CDC42: variants seen among roughly 807,000 people sequenced by gnomAD.
The protein encoded by CDC42 is cell division control protein 42 homolog.
Under a neutral mutation model 20.8 loss-of-function variants are expected in CDC42, and 1 was observed. That is an observed-to-expected ratio of 0.05 (90% CI 0.02 to 0.23). The LOEUF (loss-of-function observed/expected upper bound fraction) is 0.23, where lower values mean the gene tolerates loss of function less well. CDC42 is among the 10% of genes least tolerant of loss of function. CDC42 has a pLI of 1.00. For synonymous variants in CDC42, 72 were observed against 84.8 expected (o/e 0.85, Z 0.83); for missense variants, 49 against 227.9 (o/e 0.21, Z 5.05).
intron 1 of CDC42, among the ~76,000 whole-genome samples, chr1:22,069,476 G>A (rs1289483895): frequency 2.0e-5 from 3 of 149,546 alleles, no homozygotes; most frequent in African/African-American, 2.5e-5. Context: ...ACGCTTGGCC[G>A]AAACAGGGTC....
intron 3 of CDC42, among the ~76,000 whole-genome samples, chr1:22,082,350 TC>T (rs1451682229): frequency 2.0e-5 from 3 of 152,258 alleles, no homozygotes; most frequent in Non-Finnish European, 4.4e-5. Flanking sequence ...TTAAACTGTA[TC>T]TGAAAATATT....
At chr1:22,065,861 C>T (rs547057970) in intron 1 of CDC42, among the ~76,000 whole-genome samples, 103 of 152,148 alleles carry the variant, frequency 6.8e-4, no homozygotes, top group African/African-American at 2.4e-3. Flanking sequence ...CGGGTTCAAG[C>T]GATTCTCAAG....
rs1645736514 is a variant in CDC42 at position 22,093,637 on chromosome 1, A to G, written c.*2120A>G. 3.3e-5 allele frequency among the ~76,000 whole-genome samples: 5 copies of G among 152,220 alleles called. No homozygotes were observed. The highest frequency in any genetic ancestry group is 3.3e-4 in the Admixed American group (5 of 15,288). On this transcript the variant is annotated 3_prime_UTR_variant, in exon 6 of 6. Coordinates refer to ENST00000656825, the MANE Select transcript of CDC42 (RefSeq NM_001791.4). ...GGCATGATTTGCATACTGTGCTAGA[A>G]TTAAGCTGGGTTGGTTGAGAAGGGG...
chr1:22,090,101 A>C, intron 5 of CDC42: 1 of 1,568,108 alleles, frequency 6.4e-7, no homozygotes, highest in Non-Finnish European at 8.7e-7. Flanking sequence ...GTTTAAAAAC[A>C]AAGGAATAAA....
chr1:22,098,029 T>G lies in CDC42; in HGVS notation c.*6512T>G, dbSNP rs1482601864. Reference sequence around the variant, plus strand: ...AGCACAGGATCATAACTGTTCTGTTTGCTCTGATGCGTCCCGCAGAGCAGT... The same window carrying G: ...AGCACAGGATCATAACTGTTCTGTTGGCTCTGATGCGTCCCGCAGAGCAGT... On this transcript the variant is annotated 3_prime_UTR_variant, in exon 6 of 6. Coordinates refer to ENST00000656825, the MANE Select transcript of CDC42 (RefSeq NM_001791.4). Among the ~76,000 whole-genome samples the G allele has an allele frequency of 4.6e-5, 7 of 152,202 alleles. No homozygotes were observed. Among genetic ancestry groups the G allele is most frequent in the Non-Finnish European group, 1.0e-4 (7 of 68,032 alleles).
chr1:22,053,826 A>G (rs548331637), intron 1 of CDC42, among the ~76,000 whole-genome samples: 6 of 152,304 alleles, frequency 3.9e-5, no homozygotes, highest in South Asian at 2.1e-4. Context: ...CCTAAAAGCT[A>G]GGAAGGTTTA....
At chr1:22,080,258 C>G (rs1397891475) in intron 2 of CDC42, among the ~76,000 whole-genome samples, 1 of 152,146 alleles carries the variant, frequency 6.6e-6, no homozygotes, top group Non-Finnish European at 1.5e-5. Flanking sequence ...TTTTCTGATT[C>G]TTAGTCTAGT....
intron 1 of CDC42, among the ~76,000 whole-genome samples, chr1:22,062,376 T>C (rs1294842282): frequency 6.6e-6 from 1 of 152,244 alleles, no homozygotes; most frequent in Admixed American, 6.5e-5. Context: ...TCTCACCTCA[T>C]AACTTTTAAA....
In CDC42 at chr1:22,086,858, C is replaced by G. The variant is rs1362240044; in HGVS notation, c.478C>G (p.Leu160Val). Residue 160 changes from leucine (L) to valine (V), a missense_variant, in exon 5 of 6, where the codon CTT becomes GTT. Physicochemically the swap from Leu to Val is conservative, Grantham distance 32 (BLOSUM62 1). Transcript: ENST00000656825. Reference sequence around the variant, plus strand: ...TGTCAAGTATGTGGAGTGTTCTGCACTTACACAGGTAAGAATGGCATGAAA... The same window carrying G: ...TGTCAAGTATGTGGAGTGTTCTGCAGTTACACAGGTAAGAATGGCATGAAA... ...KAVKYVECSA[L>V]TQKGLKNVFD... 1 of 1,613,486 alleles carries G rather than the reference C, an allele frequency of 6.2e-7. No homozygotes were observed. Among genetic ancestry groups the G allele is most frequent in the Non-Finnish European group, 8.5e-7 (1 of 1,179,468 alleles).
chr1:22,057,805 C>T (rs1645319894), intron 1 of CDC42, among the ~76,000 whole-genome samples: 1 of 151,728 alleles, frequency 6.6e-6, no homozygotes, highest in African/African-American at 2.4e-5. Context: ...CTCACTGCAA[C>T]CTCTGCCTCC....
intron 1 of CDC42, among the ~76,000 whole-genome samples, chr1:22,061,803 C>A (rs928788814): frequency 1.3e-5 from 2 of 150,026 alleles, no homozygotes; most frequent in Admixed American, 1.3e-4. Flanking sequence ...TCAAGTGATC[C>A]GCCCCCTTCA....
intron 5 of CDC42, among the ~76,000 whole-genome samples, chr1:22,087,195 A>G (rs939481921): frequency 1.9e-4 from 28 of 151,280 alleles, no homozygotes; most frequent in African/African-American, 6.8e-4. Flanking sequence ...TTTTTTTTCT[A>G]AACACTTAAA....
chr1:22,058,961 C>T (rs957029435), intron 1 of CDC42, among the ~76,000 whole-genome samples: 1 of 150,750 alleles, frequency 6.6e-6, no homozygotes, highest in Non-Finnish European at 1.5e-5. Flanking sequence ...ATTGCAGGCA[C>T]GCACCACCAC....
chr1:22,055,009 AGTGGCGCAATCTCAGCTCACT>A (rs1645288695), intron 1 of CDC42, among the ~76,000 whole-genome samples: 1 of 125,084 alleles, frequency 8.0e-6, no homozygotes, highest in Non-Finnish European at 1.6e-5. Flanking sequence ...GCTGGAGTGC[AGTGGCGCAATCTCAGCTCACT>A]GCAAGCTCCG....
At chr1:22,066,259 C>T (rs1276253112) in intron 1 of CDC42, among the ~76,000 whole-genome samples, 1 of 152,044 alleles carries the variant, frequency 6.6e-6, no homozygotes, top group Non-Finnish European at 1.5e-5. Context: ...CTTGTAGTCT[C>T]AGCTACTTGG....
rs150749921 is a variant in CDC42 at position 22,097,537 on chromosome 1, C to T, written c.*6020C>T. 3.0e-3 allele frequency among the ~76,000 whole-genome samples: 456 copies of T among 152,350 alleles called. 3 individuals carry two copies. Among genetic ancestry groups the T allele is most frequent in the African/African-American group, 0.01 (424 of 41,578 alleles). ...GATTATAGGCGTGAGCCACTGCGCC[C>T]GGCCTGAAATGTGTATTCTTAAGTC... On this transcript the variant is annotated 3_prime_UTR_variant, in exon 6 of 6. Coordinates refer to ENST00000656825, the MANE Select transcript of CDC42 (RefSeq NM_001791.4).
intron 1 of CDC42, among the ~76,000 whole-genome samples, chr1:22,070,762 C>G (rs1335417833): frequency 6.6e-6 from 1 of 151,882 alleles, no homozygotes; most frequent in East Asian, 1.9e-4. Context: ...CCACGCCTGG[C>G]CTTCTTTGCC....
At chr1:22,061,124 C>T (rs1182103104) in intron 1 of CDC42, among the ~76,000 whole-genome samples, 1 of 152,234 alleles carries the variant, frequency 6.6e-6, no homozygotes, top group Admixed American at 6.5e-5. Flanking sequence ...ATTAGAAACC[C>T]AGCCGGGCAG....
chr1:22,100,181 G>T lies in CDC42; in HGVS notation c.*8664G>T, dbSNP rs1308979067. Among the ~76,000 whole-genome samples the T allele has an allele frequency of 2.0e-5, 3 of 152,084 alleles. No homozygotes were observed. The highest frequency in any genetic ancestry group is 2.9e-5 in the Non-Finnish European group (2 of 68,016). On this transcript the variant is annotated 3_prime_UTR_variant, in exon 6 of 6. Coordinates refer to ENST00000656825, the MANE Select transcript of CDC42 (RefSeq NM_001791.4). Reference sequence around the variant, plus strand: ...CCCTTCTTTCATTAGCTTGACCCAAGCACAGGGAGATGACTGGGGCTCTGC... The same window carrying T: ...CCCTTCTTTCATTAGCTTGACCCAATCACAGGGAGATGACTGGGGCTCTGC...
Sources: allele counts gnomAD v4.1 joint callset (sites outside exome capture counted in the v4.1 genomes callset), GRCh38; gene constraint gnomAD v4.1.1; transcripts MANE v1.5; gene names NCBI Gene and HGNC (gene_info 2026-07-23, HGNC 2026-07-21).